Variants in NAALADL2 observed in about 807,000 individuals in gnomAD.
NAALADL2 encodes the protein N-acetylated alpha-linked acidic dipeptidase like 2, also known as inactive N-acetylated-alpha-linked acidic dipeptidase-like protein 2.
Under a neutral mutation model 87.2 loss-of-function variants are expected in NAALADL2, and 76 were observed. The observed-to-expected ratio is 0.87, with a 90% CI of 0.72 to 1.05. The LOEUF (loss-of-function observed/expected upper bound fraction) is 1.05. Ranked by LOEUF, NAALADL2 falls within the 50% of genes least tolerant of loss-of-function variation. The pLI is 0.00. For missense variants in NAALADL2, 1,089 were observed against 945.8 expected, an observed-to-expected ratio of 1.15 and a Z score of -1.99; for synonymous variants, 354 against 331.0, an observed-to-expected ratio of 1.07 and a Z score of -0.75.
intron 1 of NAALADL2, among the ~76,000 whole-genome samples, chr3:174,950,167 AC>A (rs1328579871): frequency 1.1e-4 from 16 of 152,082 alleles, no homozygotes; most frequent in Admixed American, 1.0e-3. Context: ...TTACAGAGAA[AC>A]TTTGGTCGCC....
At position 175,793,807 on chromosome 3, in the gene NAALADL2, C is replaced by T. The variant is rs193248893; in HGVS notation, c.2190-9198C>T. 5.9e-5 allele frequency among the ~76,000 whole-genome samples: 9 copies of T among 152,084 alleles called. No individual in the cohort carries two copies. The South Asian group carries it at 8.3e-4, about 14-fold the overall frequency. On this transcript the variant is annotated intron_variant, in intron 13 of 13. Transcript: ENST00000454872. ...AGACTGTAAACTTCTAGTTTCTATC[C>T]CTAAGCAACTAACACAGTGACTTAC...
rs759687998 is a variant in NAALADL2 at position 175,292,621 on chromosome 3, C to CACACACACACACACACCT, written c.940-31552_940-31551insACACACACACACACCTAC. 1.4e-3 allele frequency among the ~76,000 whole-genome samples: 206 copies of CACACACACACACACACCT among 151,764 alleles called. 1 individual carries two copies. The highest frequency in any genetic ancestry group is 4.6e-3 in the African/African-American group (190 of 41,318). ...ACACACACACACACACACACACACA[C>CACACACACACACACACCT]ACCTGAGGGGATTCTAGGTTTACCA... On this transcript the variant is annotated intron_variant, in intron 4 of 13. Coordinates refer to ENST00000454872, the MANE Select transcript of NAALADL2 (RefSeq NM_207015.3).
intron 4 of NAALADL2, among the ~76,000 whole-genome samples, chr3:175,308,771 A>G (rs1758000298): frequency 6.6e-6 from 1 of 152,196 alleles, no homozygotes; most frequent in South Asian, 2.1e-4. Flanking sequence ...ATCAATTTCT[A>G]CCAGACAGGA....
intron 1 of NAALADL2, chr3:174,523,404 T>C (rs1331656594): frequency 6.6e-6 from 1 of 152,212 alleles, no homozygotes; most frequent in East Asian, 1.9e-4. Context: ...TCTTTTCCCA[T>C]TATTTTAGTG....
chr3:175,522,093 TA>T (rs1423313473), intron 9 of NAALADL2, among the ~76,000 whole-genome samples: 2 of 152,218 alleles, frequency 1.3e-5, no homozygotes, highest in African/African-American at 4.8e-5. Context: ...CTATTAGCTA[TA>T]AAAACAGTTG....
rs545426509 is a variant in NAALADL2, at chr3:175,264,079, C to T, written c.939+7549C>T. Among the ~76,000 whole-genome samples the T allele has an allele frequency of 8.6e-5, 13 of 151,928 alleles. 1 individual carries two copies. The South Asian group carries it at 2.7e-3, about 31-fold the overall frequency. Reference sequence around the variant, plus strand: ...CCCTTCCAATCTTCTGTACTGCTATCTGCTCAACTTGTAACTCATTTTAAA... The same window carrying T: ...CCCTTCCAATCTTCTGTACTGCTATTTGCTCAACTTGTAACTCATTTTAAA... On this transcript the variant is annotated intron_variant, in intron 4 of 13. Coordinates refer to ENST00000454872, the MANE Select transcript of NAALADL2 (RefSeq NM_207015.3).
chr3:174,931,086 A>G (rs1033807059), intron 1 of NAALADL2, among the ~76,000 whole-genome samples: 9 of 152,152 alleles, frequency 5.9e-5, no homozygotes, highest in Admixed American at 1.3e-4. Context: ...CTAATGAACT[A>G]TATTTCTTCT....
chr3:175,181,356 G>T (rs1043956249), intron 2 of NAALADL2, among the ~76,000 whole-genome samples: 1 of 151,800 alleles, frequency 6.6e-6, no homozygotes, highest in Admixed American at 6.6e-5. Context: ...GATACATGTA[G>T]ACAGTGTATA....
intron 9 of NAALADL2, among the ~76,000 whole-genome samples, chr3:175,475,190 C>T (rs4894719): frequency 0.69 from 104,140 of 151,740 alleles, 37,885 homozygotes; most frequent in East Asian, 0.9. Context: ...CTTGCTAAGA[C>T]CTAATTTCTT....
intron 5 of NAALADL2, among the ~76,000 whole-genome samples, chr3:175,446,591 C>G (rs1222001472): frequency 2.0e-5 from 3 of 152,200 alleles, no homozygotes; most frequent in Non-Finnish European, 4.4e-5. Flanking sequence ...TTGGTGTCTC[C>G]CTGTTCACTC....
At chr3:174,599,057 CT>C (rs1257597713) in intron 2 of NAALADL2, among the ~76,000 whole-genome samples, 8 of 152,108 alleles carry the variant, frequency 5.3e-5, no homozygotes, top group Non-Finnish European at 1.0e-4. Flanking sequence ...ACAGCTGAGA[CT>C]TTTTGCTTAG....
chr3:174,588,790 G>T (rs187167522), intron 2 of NAALADL2, among the ~76,000 whole-genome samples: 4 of 152,132 alleles, frequency 2.6e-5, no homozygotes, highest in African/African-American at 4.8e-5. Flanking sequence ...GGCCCCTACT[G>T]GGGGGTGCCT....
intron 5 of NAALADL2, among the ~76,000 whole-genome samples, chr3:175,328,269 G>T (rs1760985358): frequency 6.6e-6 from 1 of 152,220 alleles, no homozygotes; most frequent in East Asian, 1.9e-4. Flanking sequence ...TACAGTTAGG[G>T]TCTGAAACAC....
At chr3:175,175,620 C>A (rs1287123882) in intron 2 of NAALADL2, among the ~76,000 whole-genome samples, 6 of 152,026 alleles carry the variant, frequency 3.9e-5, no homozygotes, top group South Asian at 2.1e-4. Flanking sequence ...TACACACTGA[C>A]CTTCTTGCTG....
intron 10 of NAALADL2, among the ~76,000 whole-genome samples, chr3:175,593,772 C>CA (rs11302780): frequency 2.7e-5 from 4 of 150,470 alleles, no homozygotes; most frequent in Admixed American, 1.3e-4. Flanking sequence ...GGCCCACTCT[C>CA]AAAAAAAAAA....
chr3:175,486,882 C>A (rs539822332), intron 9 of NAALADL2, among the ~76,000 whole-genome samples: 1 of 152,242 alleles, frequency 6.6e-6, no homozygotes, highest in Admixed American at 6.5e-5. Flanking sequence ...TCTCTGTCAG[C>A]CTACAGCCAG....
At chr3:174,462,876 CTT>C (rs922954926) in intron 1 of NAALADL2, among the ~76,000 whole-genome samples, 1 of 152,168 alleles carries the variant, frequency 6.6e-6, no homozygotes, top group Non-Finnish European at 1.5e-5. Context: ...CGCTAGTAGA[CTT>C]TATAAAAATG....
chr3:175,135,346 T>G (rs966284945), intron 2 of NAALADL2, among the ~76,000 whole-genome samples: 2 of 152,190 alleles, frequency 1.3e-5, no homozygotes, highest in African/African-American at 4.8e-5. Flanking sequence ...AGGGCATATA[T>G]TTCTTCATAC....
intron 2 of NAALADL2, among the ~76,000 whole-genome samples, chr3:175,148,807 C>CT (rs1323968846): frequency 6.6e-6 from 1 of 152,040 alleles, no homozygotes; most frequent in Non-Finnish European, 1.5e-5. Context: ...CTATGTGTCT[C>CT]TTTTTGTACC....
Sources: allele counts gnomAD v4.1 joint callset (sites outside exome capture counted in the v4.1 genomes callset), GRCh38; gene constraint gnomAD v4.1.1; transcripts MANE v1.5; gene names NCBI Gene and HGNC (gene_info 2026-07-23, HGNC 2026-07-21).